LINGO2: variants seen among roughly 807,000 people sequenced by gnomAD.
LINGO2 encodes the protein leucine rich repeat and Ig domain containing 2.
In LINGO2, 14 loss-of-function variants were observed where a neutral mutation model predicts 30.6. The ratio of observed to expected loss-of-function variants is 0.46; its 90% CI spans 0.30 to 0.72. The LOEUF (loss-of-function observed/expected upper bound fraction) is 0.72, where lower values mean the gene tolerates loss of function less well. Ranked by LOEUF, LINGO2 falls within the 30% of genes least tolerant of loss-of-function variation. The probability of loss-of-function intolerance (pLI) is 0.07; values close to 1 mark genes in which losing one functional copy is unlikely to be tolerated. For synonymous variants in LINGO2, 317 were observed against 288.5 expected (o/e 1.10, Z -1.00); for missense variants, 729 against 751.7 (o/e 0.97, Z 0.35).
At chr9:27,942,714 C>T in the LINGO2 span, 12 of 151,828 alleles carry the variant, frequency 7.9e-5, no homozygotes, top group Non-Finnish European at 1.3e-4. Flanking sequence ...CACAGATACA[C>T]ATTCTGTCTC....
chr9:28,451,705 G>T (rs1286743661), intron 2 of LINGO2, among the ~76,000 whole-genome samples: 1 of 151,550 alleles, frequency 6.6e-6, no homozygotes, highest in East Asian at 1.9e-4. Flanking sequence ...TTGCACCTTG[G>T]CTACATTTTG....
chr9:28,108,805 A>C (rs1299357492), intron 4 of LINGO2, among the ~76,000 whole-genome samples: 1 of 152,138 alleles, frequency 6.6e-6, no homozygotes, highest in Non-Finnish European at 1.5e-5. Context: ...TGAGAGATAA[A>C]TATTTTATCC....
intron 4 of LINGO2, among the ~76,000 whole-genome samples, chr9:28,126,301 C>T (rs1025091372): frequency 6.6e-6 from 1 of 151,954 alleles, no homozygotes; most frequent in African/African-American, 2.4e-5. Context: ...TGAATCATTC[C>T]AGCTGCAAGG....
intron 1 of LINGO2, among the ~76,000 whole-genome samples, chr9:28,486,431 G>C (rs1587739047): frequency 6.6e-6 from 1 of 151,974 alleles, no homozygotes; most frequent in African/African-American, 2.4e-5. Context: ...GTTCCTTTGT[G>C]TTATTTAGAG....
intron 3 of LINGO2, among the ~76,000 whole-genome samples, chr9:28,300,731 T>C (rs984111895): frequency 3.9e-5 from 6 of 152,028 alleles, no homozygotes; most frequent in Non-Finnish European, 8.8e-5. Context: ...TATTTAAACA[T>C]GTTTTAAGTT....
chr9:28,035,038 G>A (rs1484176708), intron 4 of LINGO2, among the ~76,000 whole-genome samples: 4 of 152,170 alleles, frequency 2.6e-5, no homozygotes, highest in South Asian at 4.1e-4. Flanking sequence ...CAACATCCAT[G>A]CAACTCCTTA....
At chr9:28,375,917 T>C (rs907640974) in intron 2 of LINGO2, among the ~76,000 whole-genome samples, 2 of 152,092 alleles carry the variant, frequency 1.3e-5, no homozygotes, top group Non-Finnish European at 2.9e-5. Flanking sequence ...CTACACCAAA[T>C]TACTTTGGGC....
At chr9:28,591,286 T>A (rs1294873939) in intron 1 of LINGO2, among the ~76,000 whole-genome samples, 2 of 152,080 alleles carry the variant, frequency 1.3e-5, no homozygotes, top group Non-Finnish European at 2.9e-5. Context: ...TGTGCACATG[T>A]ACCCTAAAAC....
intron 4 of LINGO2, among the ~76,000 whole-genome samples, chr9:28,042,935 C>T (rs192127294): frequency 3.9e-4 from 60 of 152,246 alleles, no homozygotes; most frequent in Admixed American, 3.9e-3. Context: ...TCAGTAGCAC[C>T]GTGATGAGAA....
intron 4 of LINGO2, among the ~76,000 whole-genome samples, chr9:28,211,556 GC>G (rs1240590917): frequency 6.6e-6 from 1 of 151,356 alleles, no homozygotes; most frequent in Non-Finnish European, 1.5e-5. Flanking sequence ...ATTACTCTAA[GC>G]CTGAGATACT....
chr9:28,629,399 T>A (rs942878701), intron 1 of LINGO2, among the ~76,000 whole-genome samples: 2 of 152,104 alleles, frequency 1.3e-5, no homozygotes, highest in Non-Finnish European at 2.9e-5. Context: ...CTTCTTCCCT[T>A]TTCTTTACGA....
intron 5 of LINGO2, among the ~76,000 whole-genome samples, chr9:27,962,748 G>T: frequency 6.6e-6 from 1 of 152,080 alleles, no homozygotes; most frequent in South Asian, 2.1e-4. Flanking sequence ...ACAATCCAAA[G>T]CTTGCTCATA....
the LINGO2 span, among the ~76,000 whole-genome samples, chr9:28,842,868 A>C: frequency 3.3e-5 from 5 of 152,042 alleles, no homozygotes; most frequent in East Asian, 9.6e-4. Context: ...AGTTACTCTG[A>C]GATGAAATAG....
At chr9:28,906,235 TATG>T in the LINGO2 span, among the ~76,000 whole-genome samples, 1 of 151,920 alleles carries the variant, frequency 6.6e-6, no homozygotes, top group Non-Finnish European at 1.5e-5. Context: ...TATTGTACAA[TATG>T]ATGACTATAG....
At chr9:27,946,988 A>G (rs1454279078), downstream of LINGO2, among the ~76,000 whole-genome samples, 1 of 152,170 alleles carries the variant, frequency 6.6e-6, no homozygotes. Context: ...ATTTCAAACT[A>G]AAAAGCCAGC....
At chr9:28,598,428 A>AC (rs781173715) in intron 1 of LINGO2, among the ~76,000 whole-genome samples, 5,494 of 140,748 alleles carry the variant, frequency 0.039, 317 homozygotes, top group Admixed American at 0.17. Flanking sequence ...CAAAAAAAAA[A>AC]AAAAAACAAA....
At chr9:28,554,175 A>C (rs993376076) in intron 1 of LINGO2, among the ~76,000 whole-genome samples, 3 of 151,712 alleles carry the variant, frequency 2.0e-5, no homozygotes, top group African/African-American at 7.3e-5. Flanking sequence ...AAATGGACTA[A>C]ATGCTCCAAT....
At chr9:28,714,186 T>C in the LINGO2 span, among the ~76,000 whole-genome samples, 4,729 of 91,874 alleles carry the variant, frequency 0.051, 342 homozygotes, top group African/African-American at 0.24. Context: ...TATATATATA[T>C]ATACACACAT....
chr9:28,727,962 A>C, the LINGO2 span, among the ~76,000 whole-genome samples: 1 of 152,184 alleles, frequency 6.6e-6, no homozygotes, highest in Non-Finnish European at 1.5e-5. Flanking sequence ...ATAGGGTACC[A>C]TAGAAGGGCC....
Sources: allele counts gnomAD v4.1 joint callset (sites outside exome capture counted in the v4.1 genomes callset), GRCh38; gene constraint gnomAD v4.1.1; transcripts MANE v1.5; gene names NCBI Gene and HGNC (gene_info 2026-07-23, HGNC 2026-07-21).